KIF18A: variants seen among roughly 807,000 people sequenced by gnomAD.
KIF18A encodes kinesin family member 18A.
A neutral mutation model predicts 103.3 loss-of-function variants in KIF18A; 67 were observed. That is an observed-to-expected ratio of 0.65 (90% CI 0.53 to 0.79). KIF18A has a LOEUF of 0.79. Ranked by LOEUF, KIF18A falls within the 30% of genes least tolerant of loss-of-function variation. KIF18A has a pLI of 0.00. For synonymous variants in KIF18A, 367 were observed against 355.5 expected, an observed-to-expected ratio of 1.03 and a Z score of -0.36; for missense variants, 1,032 against 1,062.5, an observed-to-expected ratio of 0.97 and a Z score of 0.40.
intron 6 of KIF18A, among the ~76,000 whole-genome samples, 162 bp downstream of exon 6, chr11:28,088,362 A>G (rs1473658944): frequency 6.6e-6 from 1 of 152,198 alleles, no homozygotes; most frequent in Non-Finnish European, 1.5e-5. Context: ...TCAGTTTAAT[A>G]CACTAGGTTT....
chr11:28,068,447 A>G lies in KIF18A; in HGVS notation c.1590+812T>C, dbSNP rs909920980. On this transcript the variant is annotated intron_variant, in intron 11 of 16. Coordinates refer to ENST00000263181, the MANE Select transcript of KIF18A (RefSeq NM_031217.4). Reference sequence around the variant, plus strand: ...GAACTTAAAGTTAAAAAAAAAAAAAAGGGAGCTCCAATACTGTTCAGAGTA... The same window carrying G: ...GAACTTAAAGTTAAAAAAAAAAAAAGGGGAGCTCCAATACTGTTCAGAGTA... Among the ~76,000 whole-genome samples the G allele has an allele frequency of 8.1e-5, 12 of 148,922 alleles. No homozygotes were observed. In the Admixed American group the frequency reaches 8.1e-4, roughly 10 times the overall value.
intron 13 of KIF18A, among the ~76,000 whole-genome samples, chr11:28,048,121 T>C (rs1850662751): frequency 6.6e-6 from 1 of 152,054 alleles, no homozygotes; most frequent in African/African-American, 2.4e-5. Context: ...AAAAAGCACA[T>C]GAAAAAATGT....
At chr11:28,032,457 A>C (rs1047920768) in intron 15 of KIF18A, among the ~76,000 whole-genome samples, 1 of 152,002 alleles carries the variant, frequency 6.6e-6, no homozygotes, top group South Asian at 2.1e-4. Context: ...ACATTACCTG[A>C]CTTCAAATTA....
chr11:28,042,001 T>G (rs1258720996), intron 13 of KIF18A, among the ~76,000 whole-genome samples: 1 of 151,692 alleles, frequency 6.6e-6, no homozygotes. Flanking sequence ...CTGTCCTCTA[T>G]TCAGGAGTTC....
chr11:28,059,984 G>T (rs892360566), intron 12 of KIF18A, among the ~76,000 whole-genome samples: 1 of 151,962 alleles, frequency 6.6e-6, no homozygotes, highest in African/African-American at 2.4e-5. Flanking sequence ...GCACTTAAAG[G>T]GATTTTAAGG....
intron 6 of KIF18A, among the ~76,000 whole-genome samples, chr11:28,086,432 TTTG>T (rs1326582663): frequency 6.6e-6 from 1 of 152,154 alleles, no homozygotes; most frequent in Non-Finnish European, 1.5e-5. Flanking sequence ...ACAAATAAAT[TTTG>T]TTAAGTTTTG....
Position 28,036,720 on chromosome 11 carries a change from C to T in KIF18A, c.1949-56G>A, listed in dbSNP as rs1414911474. On this transcript the variant is annotated intron_variant, in intron 13 of 16. Coordinates refer to ENST00000263181, the MANE Select transcript of KIF18A (RefSeq NM_031217.4). ...TAATGTTTCCTAGTTTTTTAAATAA[C>T]CCCCATTACTTTTAAAACTAAGAAA... 3.5e-5 allele frequency: 38 copies of T among 1,081,374 alleles called. No homozygotes were observed. In the East Asian group the frequency reaches 4.7e-4, roughly 13 times the overall value. The allele number at this position is 1,081,374 out of a possible 1,614,324, so 67.0% of individuals were successfully genotyped here. A position where few individuals can be genotyped will look rare whatever the true frequency, so the allele number is the denominator to read the frequency against.
chr11:28,071,228 G>A (rs1394181940), intron 10 of KIF18A, among the ~76,000 whole-genome samples: 1 of 152,056 alleles, frequency 6.6e-6, no homozygotes, highest in Non-Finnish European at 1.5e-5. Context: ...TAAAATTCTT[G>A]TTTGCTCATA....
chr11:28,052,425 T>C (rs956574961), intron 13 of KIF18A, among the ~76,000 whole-genome samples: 1 of 152,044 alleles, frequency 6.6e-6, no homozygotes. Context: ...CAGTTATATA[T>C]CCTCACCAGC....
intron 13 of KIF18A, among the ~76,000 whole-genome samples, chr11:28,047,747 T>G (rs1850656386): frequency 6.6e-6 from 1 of 152,136 alleles, no homozygotes; most frequent in South Asian, 2.1e-4. Flanking sequence ...TAAAACTTTC[T>G]TCACAGACTC....
chr11:28,056,370 GA>G (rs1053852495), intron 13 of KIF18A, among the ~76,000 whole-genome samples: 2 of 151,492 alleles, frequency 1.3e-5, no homozygotes, highest in Non-Finnish European at 2.9e-5. Context: ...TGATAAAGCT[GA>G]AAAAAGAAAG....
chr11:28,086,104 C>T (rs1238376112), intron 6 of KIF18A, among the ~76,000 whole-genome samples: 11 of 151,958 alleles, frequency 7.2e-5, no homozygotes. Context: ...AGGTGTGGAG[C>T]ATATTTAACA....
At chr11:28,053,718 C>T (rs1048061886) in intron 13 of KIF18A, among the ~76,000 whole-genome samples, 5 of 151,716 alleles carry the variant, frequency 3.3e-5, no homozygotes, top group South Asian at 2.1e-4. Context: ...ATGTGTTCTC[C>T]GAGATCTACT....
chr11:28,069,156 A>C, intron 11 of KIF18A, 103 bp downstream of exon 11: 1 of 853,414 alleles, frequency 1.2e-6, no homozygotes, highest in Non-Finnish European at 1.9e-6. Flanking sequence ...TTATGAGGCA[A>C]TAATAGTTGT....
At chr11:28,028,045 G>C (rs1437734209) in intron 15 of KIF18A, among the ~76,000 whole-genome samples, 1 of 151,906 alleles carries the variant, frequency 6.6e-6, no homozygotes, top group African/African-American at 2.4e-5. Flanking sequence ...TTCAACATAT[G>C]CAAATTAACC....
chr11:28,058,210 G>A (rs1013085108), intron 13 of KIF18A, among the ~76,000 whole-genome samples: 2 of 151,906 alleles, frequency 1.3e-5, no homozygotes, highest in East Asian at 3.9e-4. Context: ...CAAGTGATTT[G>A]TCAATAGAAA....
chr11:28,095,084 T>C (rs1370533205), intron 2 of KIF18A, among the ~76,000 whole-genome samples: 2 of 152,224 alleles, frequency 1.3e-5, no homozygotes, highest in Non-Finnish European at 2.9e-5. Context: ...GTCTTCATCT[T>C]CCATCTTCTT....
At chr11:28,091,363 G>T (rs775601619) in intron 4 of KIF18A, 46 bp downstream of exon 4, 2 of 1,026,396 alleles carry the variant, frequency 1.9e-6, no homozygotes, top group South Asian at 2.8e-5. Context: ...TAGCTTAATA[G>T]TCACATTTGC....
chr11:28,098,470 A>G (rs557304265), intron 1 of KIF18A, among the ~76,000 whole-genome samples: 16 of 152,306 alleles, frequency 1.1e-4, no homozygotes, highest in African/African-American at 3.6e-4. Flanking sequence ...ATTTTTAGTA[A>G]AAGTGATCTT....
Sources: allele counts gnomAD v4.1 joint callset (sites outside exome capture counted in the v4.1 genomes callset), GRCh38; gene constraint gnomAD v4.1.1; transcripts MANE v1.5; gene names NCBI Gene and HGNC (gene_info 2026-07-23, HGNC 2026-07-21).